Variants in TAF8 observed in about 807,000 individuals in gnomAD.
TAF8 encodes the protein transcription initiation factor TFIID subunit 8.
TAF8 carries 47 observed loss-of-function variants against 36.5 expected under a neutral mutation model. The ratio of observed to expected loss-of-function variants is 1.29; its 90% CI spans 1.02 to 1.64. TAF8 has a LOEUF of 1.64. Ranked by LOEUF, TAF8 falls within the 40% of genes most tolerant of loss-of-function variation. TAF8 has a pLI of 0.00. For synonymous variants in TAF8, 175 were observed against 159.5 expected, an observed-to-expected ratio of 1.10 and a Z score of -0.73; for missense variants, 420 against 407.6, an observed-to-expected ratio of 1.03 and a Z score of -0.26.
intron 5 of TAF8, among the ~76,000 whole-genome samples, chr6:42,058,782 A>C (rs1313658589): frequency 6.6e-6 from 1 of 152,154 alleles, no homozygotes; most frequent in African/African-American, 2.4e-5. Flanking sequence ...TGGAGGCTAG[A>C]AGTCTAAAAG....
At position 42,081,337 on chromosome 6, in the gene TAF8, C is replaced by T. The variant is rs557020671; in HGVS notation, c.*3792C>T. 21 of 136,980 alleles carry T rather than the reference C, an allele frequency of 1.5e-4. No homozygotes were observed. The highest frequency in any genetic ancestry group is 5.4e-4 in the African/African-American group (21 of 38,830). The allele number at this position is 136,980 out of a possible 1,614,324, so 8.5% of individuals were successfully genotyped here. On this transcript the variant is annotated 3_prime_UTR_variant, in exon 9 of 9. Transcript: ENST00000372977. ...GATTATAGGTATCTACCACCACCAC[C>T]ACGCCTGGCTAATTTTTTCTTTTTT...
At chr6:42,054,187 C>G (rs569700961) in intron 2 of TAF8, among the ~76,000 whole-genome samples, 1 of 152,216 alleles carries the variant, frequency 6.6e-6, no homozygotes, top group South Asian at 2.1e-4. Context: ...CAGAGCCGAG[C>G]TTCAAAAACT....
rs1345456086 is a variant in TAF8, at chr6:42,080,194, G to C, written c.*2649G>C. ...ATTCAAGCCGTGGCCAATCCCAGCT[G>C]TTCTCACTGCTCTTGGGAGGTGTTG... On this transcript the variant is annotated 3_prime_UTR_variant, in exon 9 of 9. Coordinates refer to ENST00000372977, the MANE Select transcript of TAF8 (RefSeq NM_138572.3). The C allele has an allele frequency of 1.0e-6, 1 of 985,422 alleles. No homozygotes were observed. Among genetic ancestry groups the C allele is most frequent in the Non-Finnish European group, 1.2e-6 (1 of 829,988 alleles). The allele number at this position is 985,422 out of a possible 1,614,324, so 61.0% of individuals were successfully genotyped here.
rs1765838970 is a variant in TAF8, at chr6:42,078,841, G to T, written c.*1296G>T. The T allele has an allele frequency of 1.0e-6, 1 of 985,430 alleles. No homozygotes were observed. Among genetic ancestry groups the T allele is most frequent in the South Asian group, 4.7e-5 (1 of 21,294 alleles). 61.0% of individuals were successfully genotyped at this position (985,430 alleles called of 1,614,324 possible). On this transcript the variant is annotated 3_prime_UTR_variant, in exon 9 of 9. Coordinates refer to ENST00000372977, the MANE Select transcript of TAF8 (RefSeq NM_138572.3). ...GGGGTTTAAACAGTAGGAAAGAGGG[G>T]CTACGCGCAGTGGCTCACGCCTGTA...
Position 42,072,873 on chromosome 6 carries a change from C to T in TAF8, c.781-4227C>T, listed in dbSNP as rs540761702. ...CAGCAGCTAGGACTACAGGCGCCCG[C>T]CACCACGCCCGGCTAATTTTTTTGT... On this transcript the variant is annotated intron_variant, in intron 7 of 8. Coordinates refer to ENST00000372977, the MANE Select transcript of TAF8 (RefSeq NM_138572.3). 5.3e-5 allele frequency among the ~76,000 whole-genome samples: 8 copies of T among 152,210 alleles called. No homozygotes were observed. In the South Asian group the frequency reaches 1.7e-3, roughly 32 times the overall value.
intron 7 of TAF8, among the ~76,000 whole-genome samples, chr6:42,071,716 T>C (rs979234452): frequency 5.3e-5 from 8 of 152,130 alleles, no homozygotes; most frequent in Non-Finnish European, 8.8e-5. Flanking sequence ...AGGAAATTGT[T>C]ATTGTACGCT....
intron 7 of TAF8, among the ~76,000 whole-genome samples, chr6:42,072,239 T>A (rs1765603964): frequency 6.6e-6 from 1 of 152,204 alleles, no homozygotes; most frequent in Non-Finnish European, 1.5e-5. Context: ...CATATGCCCT[T>A]CTGTGAAAAA....
intron 7 of TAF8, among the ~76,000 whole-genome samples, chr6:42,073,137 A>G (rs940576452): frequency 6.6e-6 from 1 of 152,272 alleles, no homozygotes; most frequent in Non-Finnish European, 1.5e-5. Context: ...GTACTTGAAC[A>G]TAAAGGAGCT....
intron 7 of TAF8, 120 bp downstream of exon 7, chr6:42,068,727 G>C: frequency 8.4e-7 from 1 of 1,195,372 alleles, no homozygotes; most frequent in South Asian, 1.4e-5. Flanking sequence ...TCTGTTAGGG[G>C]CCTGCATAAG....
At chr6:42,055,177 G>A (rs777497052) in intron 2 of TAF8, among the ~76,000 whole-genome samples, 7 of 151,574 alleles carry the variant, frequency 4.6e-5, no homozygotes, top group Admixed American at 6.6e-5. Flanking sequence ...ACTGGCCTTG[G>A]CCTCCCAAAG....
rs370347836 is a variant in TAF8, at chr6:42,077,594, G to A, written c.*49G>A. ...ACAGGGGCGCAGATTCCACCCTCCCGGGGAGTTAAAGCCACTCAAGGGAAG... is the reference window on the plus strand; with the variant it reads ...ACAGGGGCGCAGATTCCACCCTCCCAGGGAGTTAAAGCCACTCAAGGGAAG... On this transcript the variant is annotated 3_prime_UTR_variant, in exon 9 of 9. Coordinates refer to ENST00000372977, the MANE Select transcript of TAF8 (RefSeq NM_138572.3). 1.1e-5 allele frequency: 17 copies of A among 1,606,588 alleles called. No individual in the cohort carries two copies. Among genetic ancestry groups the A allele is most frequent in the South Asian group, 7.8e-5 (7 of 89,522 alleles).
At position 42,066,386 on chromosome 6, in the gene TAF8, G is replaced by T. The variant is rs1476815620; in HGVS notation, c.564G>T (p.Arg188=). 1 of 1,614,186 alleles carries T rather than the reference G, an allele frequency of 6.2e-7. No individual in the cohort carries two copies. The highest frequency in any genetic ancestry group is 1.3e-5 in the African/African-American group (1 of 75,050). The change falls in exon 6 of 9, where the codon CGG becomes CGT. Residue 188 remains arginine, a synonymous_variant. Transcript: ENST00000372977. ...KAASQRRDVE[R]ALTRFMAKTG... ...CATCCCAGAGGCGCGATGTGGAGCG[G>T]GCACTTACCCGTTTCATGGCCAAGA...
At chr6:42,072,386 A>G (rs1259943738) in intron 7 of TAF8, among the ~76,000 whole-genome samples, 1 of 152,198 alleles carries the variant, frequency 6.6e-6, no homozygotes, top group Admixed American at 6.5e-5. Context: ...GTATGGTGAC[A>G]ATCCCTCCCA....
chr6:42,071,781 A>C (rs1247691403), intron 7 of TAF8, among the ~76,000 whole-genome samples: 1 of 152,152 alleles, frequency 6.6e-6, no homozygotes, highest in South Asian at 2.1e-4. Flanking sequence ...GTTGAGGTTC[A>C]CCTTATGAGA....
chr6:42,067,609 G>T (rs540236781), intron 6 of TAF8, among the ~76,000 whole-genome samples: 1 of 151,972 alleles, frequency 6.6e-6, no homozygotes, highest in South Asian at 2.1e-4. Flanking sequence ...TCACTTTGTC[G>T]CCCAGTCTTG....
At chr6:42,055,679 C>T in intron 3 of TAF8, 50 bp downstream of exon 3, 1 of 1,391,080 alleles carries the variant, frequency 7.2e-7, no homozygotes, top group Non-Finnish European at 1.0e-6. Flanking sequence ...GGAGAGGAGT[C>T]CCTAGGAATC....
At chr6:42,071,311 CTTTTTTTTTTTTTTTTTTT>C (rs70987566) in intron 7 of TAF8, 43 of 121,678 alleles carry the variant, frequency 3.5e-4, no homozygotes, top group South Asian at 1.0e-3. Context: ...CCTGGACATA[CTTTTTTTTTTTTTTTTTTT>C]TTTTTTTTTT....
At chr6:42,083,575 A>C (rs1261841657), downstream of TAF8, among the ~76,000 whole-genome samples, 1 of 152,206 alleles carries the variant, frequency 6.6e-6, no homozygotes, top group East Asian at 1.9e-4. Flanking sequence ...TTTGAGTTGG[A>C]GTTGAATTTT....
At chr6:42,067,966 G>A (rs1360766750) in intron 6 of TAF8, among the ~76,000 whole-genome samples, 1 of 152,194 alleles carries the variant, frequency 6.6e-6, no homozygotes, top group Non-Finnish European at 1.5e-5. Context: ...TTACAGCTCA[G>A]TGGACATGCA....
Sources: allele counts gnomAD v4.1 joint callset (sites outside exome capture counted in the v4.1 genomes callset), GRCh38; gene constraint gnomAD v4.1.1; transcripts MANE v1.5; gene names NCBI Gene and HGNC (gene_info 2026-07-23, HGNC 2026-07-21).